Variants in FARP1 observed in about 807,000 individuals in gnomAD.
FARP1 encodes FERM, ARHGEF and pleckstrin domain-containing protein 1.
In FARP1, 52 loss-of-function variants were observed where a neutral mutation model predicts 128.8. The observed-to-expected ratio is 0.40, with a 90% CI of 0.32 to 0.51. The LOEUF (loss-of-function observed/expected upper bound fraction) is 0.51, where lower values mean the gene tolerates loss of function less well. Among genes scored for constraint, FARP1 ranks in the 20% least tolerant of loss-of-function variants. FARP1 has a pLI of 0.45. For missense variants in FARP1, 1,333 were observed against 1,367.9 expected, an observed-to-expected ratio of 0.97 and a Z score of 0.40; for synonymous variants, 580 against 551.8, an observed-to-expected ratio of 1.05 and a Z score of -0.72.
At chr13:98,447,591 C>G (rs1892931414) in intron 26 of FARP1, 1 of 152,498 alleles carries the variant, frequency 6.6e-6, no homozygotes, top group African/African-American at 2.4e-5. Flanking sequence ...CCGCAGCAAC[C>G]CCTCAGTTGG....
chr13:98,322,860 C>A (rs950846357), intron 2 of FARP1, among the ~76,000 whole-genome samples: 1 of 152,196 alleles, frequency 6.6e-6, no homozygotes, highest in African/African-American at 2.4e-5. Context: ...TGCATGTCAG[C>A]CACACACAGA....
chr13:98,268,879 A>ATTTATT (rs1311027648), intron 2 of FARP1, among the ~76,000 whole-genome samples: 9 of 150,344 alleles, frequency 6.0e-5, no homozygotes, highest in African/African-American at 2.2e-4. Flanking sequence ...GCTAATTTTT[A>ATTTATT]TTTATTTTTA....
intron 2 of FARP1, among the ~76,000 whole-genome samples, chr13:98,259,882 A>AGTGTGTGTGTGTGTGT (rs60886784): frequency 0.07 from 8,952 of 128,670 alleles, 524 homozygotes; most frequent in Non-Finnish European, 0.093. Flanking sequence ...ATACCTGAAA[A>AGTGTGTGTGTGTGTGT]GTGTGTGTGT....
intron 2 of FARP1, among the ~76,000 whole-genome samples, chr13:98,246,286 G>A (rs1342047012): frequency 6.8e-6 from 1 of 146,240 alleles, no homozygotes; most frequent in African/African-American, 2.5e-5. Context: ...TAGTAGAGAC[G>A]GGGTTTCACC....
At chr13:98,283,862 A>G (rs1885051986) in intron 2 of FARP1, among the ~76,000 whole-genome samples, 1 of 152,238 alleles carries the variant, frequency 6.6e-6, no homozygotes, top group Non-Finnish European at 1.5e-5. Context: ...AAAATGTTCA[A>G]AGTTAGAATT....
rs372627844 is a variant in FARP1 at position 98,277,148 on chromosome 13, A to ACACC, written c.171+63736_171+63737insACCC. On this transcript the variant is annotated intron_variant, in intron 2 of 26. Coordinates refer to ENST00000319562, the MANE Select transcript of FARP1 (RefSeq NM_005766.4). Reference sequence around the variant, plus strand: ...CACACACACACACACACACACACACACCCCATATGTATATATTAGAAGCAG... The same window carrying ACACC: ...CACACACACACACACACACACACACACACCCCCCATATGTATATATTAGAAGCAG... Among the ~76,000 whole-genome samples, 45 of 138,656 alleles carry ACACC rather than the reference A, an allele frequency of 3.2e-4. 1 individual carries two copies. The highest frequency in any genetic ancestry group is 2.1e-3 in the South Asian group (9 of 4,318). The allele number at this position is 138,656 out of a possible 152,430, so 91.0% of individuals were successfully genotyped here.
At chr13:98,415,595 A>C (rs35165895) in intron 16 of FARP1, among the ~76,000 whole-genome samples, 8,141 of 152,326 alleles carry the variant, frequency 0.053, 300 homozygotes, top group Non-Finnish European at 0.085. Context: ...CAGGGTGGTC[A>C]TGGAGCGTTG....
chr13:98,300,429 G>A (rs914179091), intron 2 of FARP1, among the ~76,000 whole-genome samples: 2 of 152,212 alleles, frequency 1.3e-5, no homozygotes, highest in African/African-American at 4.8e-5. Flanking sequence ...CTGGGCAGAT[G>A]CTTTGGGAGC....
At chr13:98,188,228 C>G (rs1879006857) in intron 1 of FARP1, among the ~76,000 whole-genome samples, 1 of 152,104 alleles carries the variant, frequency 6.6e-6, no homozygotes, top group Admixed American at 6.6e-5. Context: ...AGAACAGTTT[C>G]TGTAAGAAAG....
chr13:98,273,579 GA>G (rs1884490312), intron 2 of FARP1, among the ~76,000 whole-genome samples: 1 of 152,230 alleles, frequency 6.6e-6, no homozygotes, highest in Admixed American at 6.5e-5. Flanking sequence ...AGTTTACACT[GA>G]AATGAGCTGT....
chr13:98,434,495 T>G (rs1387022623), intron 18 of FARP1: 1 of 152,160 alleles, frequency 6.6e-6, no homozygotes, highest in Non-Finnish European at 1.5e-5. Context: ...AAAGAGGTAT[T>G]TAGAGTTCTG....
chr13:98,295,705 C>T (rs566870337), intron 2 of FARP1, among the ~76,000 whole-genome samples: 9 of 152,102 alleles, frequency 5.9e-5, no homozygotes, highest in Non-Finnish European at 1.0e-4. Flanking sequence ...TAAAGACTTA[C>T]TCCAGAAATA....
chr13:98,453,259 T>C lies in FARP1; in HGVS notation c.*4942T>C. 1 of 1,577,784 alleles carries C rather than the reference T, an allele frequency of 6.3e-7. No individual in the cohort carries two copies. Among genetic ancestry groups the C allele is most frequent in the Non-Finnish European group, 8.6e-7 (1 of 1,163,154 alleles). On this transcript the variant is annotated 3_prime_UTR_variant, in exon 27 of 27. Transcript: ENST00000319562. ...GTCAACACATGTCATTTCTCATCCC[T>C]GTGCAAAAATTCATATAGTAACCAA...
chr13:98,280,921 G>A (rs1356576201), intron 2 of FARP1, among the ~76,000 whole-genome samples: 1 of 152,200 alleles, frequency 6.6e-6, no homozygotes, highest in Non-Finnish European at 1.5e-5. Flanking sequence ...TTTTTGTTAG[G>A]AGTGAATTTT....
rs544877990 is a variant in FARP1, at chr13:98,253,738, C to CT, written c.171+40327dup. ...TGTTTCCAGCCAGATGTGCTCTGCT[C>CT]TTGGCCTTTTATTTTATAGTTGCTG... is the stretch of plus-strand genomic sequence containing the variant. On this transcript the variant is annotated intron_variant, in intron 2 of 26. Coordinates refer to ENST00000319562, the MANE Select transcript of FARP1 (RefSeq NM_005766.4). Among the ~76,000 whole-genome samples the CT allele has an allele frequency of 1.3e-3, 196 of 152,310 alleles. 1 individual carries two copies. The highest frequency in any genetic ancestry group is 4.3e-3 in the African/African-American group (178 of 41,570).
At chr13:98,424,897 T>C (rs543801579) in intron 17 of FARP1, among the ~76,000 whole-genome samples, 2 of 151,686 alleles carry the variant, frequency 1.3e-5, no homozygotes, top group East Asian at 3.9e-4. Flanking sequence ...TTTGGGGTTT[T>C]TTTTTTTTCT....
intron 11 of FARP1, among the ~76,000 whole-genome samples, chr13:98,393,349 C>T (rs1363596792): frequency 6.6e-6 from 1 of 152,204 alleles, no homozygotes; most frequent in Non-Finnish European, 1.5e-5. Context: ...TTCCCCTTAA[C>T]TAGAAAGGTC....
intron 17 of FARP1, among the ~76,000 whole-genome samples, chr13:98,430,728 A>G (rs887966420): frequency 1.3e-5 from 2 of 152,078 alleles, no homozygotes; most frequent in Non-Finnish European, 1.5e-5. Context: ...CTGTTGATAT[A>G]TTTGTCCCCA....
intron 4 of FARP1, among the ~76,000 whole-genome samples, chr13:98,367,492 T>C (rs1483109893): frequency 6.6e-6 from 1 of 151,480 alleles, no homozygotes; most frequent in Non-Finnish European, 1.5e-5. Context: ...TTTCTTTCTT[T>C]TTTTTTTTTT....
Sources: gnomAD v4.1 joint callset for allele counts (sites outside exome capture counted in the v4.1 genomes callset) on GRCh38, gnomAD v4.1.1 for gene constraint, MANE v1.5 for transcripts, NCBI Gene and HGNC (gene_info 2026-07-23, HGNC 2026-07-21) for gene names.